The following CCDC92B variants were observed in gnomAD, a reference collection of about 807,000 sequenced individuals.
CCDC92B encodes the protein coiled-coil domain containing 92B.
In CCDC92B, 2 loss-of-function variants were observed where a neutral mutation model predicts 5.6. That is an observed-to-expected ratio of 0.36 (90% CI 0.15 to 1.12). The LOEUF (loss-of-function observed/expected upper bound fraction) is 1.12. Ranked by LOEUF, CCDC92B falls within the 50% of genes most tolerant of loss-of-function variation. CCDC92B has a pLI of 0.40. For synonymous variants in CCDC92B, 115 were observed against 122.3 expected, an observed-to-expected ratio of 0.94 and a Z score of 0.39; for missense variants, 271 against 262.2, an observed-to-expected ratio of 1.03 and a Z score of -0.23.
intron 2 of CCDC92B, among the ~76,000 whole-genome samples, chr17:2,733,424 T>C (rs2070819587): frequency 6.6e-6 from 1 of 151,962 alleles, no homozygotes; most frequent in African/African-American, 2.4e-5. Flanking sequence ...CACGTCCGGC[T>C]AATTTTGTAT....
chr17:2,730,356 G>T, intron 3 of CCDC92B, 90 bp downstream of exon 3: 1 of 723,656 alleles, frequency 1.4e-6, no homozygotes, highest in Non-Finnish European at 1.7e-6. Context: ...CTAGGCTGGG[G>T]ACAGAGAAGG....
intron 2 of CCDC92B, among the ~76,000 whole-genome samples, chr17:2,732,274 C>A (rs544814305): frequency 1.9e-4 from 29 of 152,340 alleles, no homozygotes; most frequent in Admixed American, 5.2e-4. Context: ...TCTCTCCCAA[C>A]CGCCTCCCAG....
intron 3 of CCDC92B, among the ~76,000 whole-genome samples, chr17:2,727,108 G>C (rs1211603480): frequency 6.6e-6 from 1 of 151,700 alleles, no homozygotes; most frequent in Non-Finnish European, 1.5e-5. Context: ...TCTCGAACTT[G>C]TGGGTTCAGG....
At chr17:2,727,575 C>G (rs964139417) in intron 3 of CCDC92B, among the ~76,000 whole-genome samples, 2 of 152,224 alleles carry the variant, frequency 1.3e-5, no homozygotes, top group Non-Finnish European at 2.9e-5. Context: ...CCTGTAATCC[C>G]AGCACTTTGG....
intron 1 of CCDC92B, among the ~76,000 whole-genome samples, chr17:2,738,035 A>G (rs1419766068): frequency 6.6e-6 from 1 of 151,736 alleles, no homozygotes; most frequent in Non-Finnish European, 1.5e-5. Context: ...CCCAATATTT[A>G]CACGAATATT....
At chr17:2,737,575 C>T (rs2070871358) in intron 1 of CCDC92B, among the ~76,000 whole-genome samples, 1 of 148,862 alleles carries the variant, frequency 6.7e-6, no homozygotes, top group Non-Finnish European at 1.5e-5. Flanking sequence ...CCCAAGTTCA[C>T]GCCATTCTGC....
At chr17:2,737,383 T>G (rs1472452724) in intron 1 of CCDC92B, among the ~76,000 whole-genome samples, 1 of 149,308 alleles carries the variant, frequency 6.7e-6, no homozygotes, top group Non-Finnish European at 1.5e-5. Context: ...CCCTGAGAAC[T>G]CCAATCCTCA....
intron 2 of CCDC92B, among the ~76,000 whole-genome samples, chr17:2,732,538 G>A (rs1241233935): frequency 1.3e-5 from 2 of 152,096 alleles, no homozygotes; most frequent in African/African-American, 2.4e-5. Flanking sequence ...CCAACGTGGT[G>A]AAACCCCATC....
chr17:2,728,527 C>T (rs1230307691), intron 3 of CCDC92B, among the ~76,000 whole-genome samples: 7 of 150,566 alleles, frequency 4.6e-5, no homozygotes, highest in South Asian at 2.1e-4. Context: ...GGCGTGAACC[C>T]GGGAGGCAGA....
intron 2 of CCDC92B, 43 bp downstream of exon 2, chr17:2,734,972 CA>C (rs35314161): frequency 0.46 from 452,627 of 984,902 alleles, 108,873 homozygotes; most frequent in Non-Finnish European, 0.49. Context: ...GTGATGATGA[CA>C]GTGACCTCTC....
chr17:2,724,979 T>C lies in CCDC92B; in HGVS notation c.200A>G (p.Glu67Gly). Residue 67 changes from glutamate (E) to glycine (G), a missense_variant, in exon 4 of 4, where the codon GAG becomes GGG. Glu to Gly is a moderately conservative substitution (Grantham distance 98). Transcript: ENST00000614400. This position sits in a 1 kb window ranked among gnomAD's most constrained non-coding sequence, Gnocchi z 5.0. ...CGACTCCAGCGCGCGGCACTTGCTC[T>C]CCAGCTCCCGGGACGCCGCCTCTGG... ...HQQEAASREL[E>G]SKCRALESQL... The C allele has an allele frequency of 1.0e-6, 1 of 985,420 alleles. No individual in the cohort carries two copies. The highest frequency in any genetic ancestry group is 1.2e-6 in the Non-Finnish European group (1 of 829,984). The allele number at this position is 985,420 out of a possible 1,614,324, so 61.0% of individuals were successfully genotyped here. A position where few individuals can be genotyped will look rare whatever the true frequency, so the allele number is the denominator to read the frequency against.
At chr17:2,748,369 G>C in intron 1 of CCDC92B, 7 of 985,034 alleles carry the variant, frequency 7.1e-6, no homozygotes, top group Non-Finnish European at 8.4e-6. Context: ...CTGTTCCCCA[G>C]GCAATTTGTT....
chr17:2,731,347 C>T (rs1459818024), intron 2 of CCDC92B, among the ~76,000 whole-genome samples: 2 of 152,134 alleles, frequency 1.3e-5, no homozygotes, highest in Non-Finnish European at 2.9e-5. Flanking sequence ...ACCCCCACTC[C>T]CCCAACTCCA....
At chr17:2,740,836 A>G (rs982211913) in intron 1 of CCDC92B, among the ~76,000 whole-genome samples, 4 of 151,606 alleles carry the variant, frequency 2.6e-5, no homozygotes, top group Non-Finnish European at 5.9e-5. Flanking sequence ...GCATGGTGGC[A>G]TGGGCCTGTA....
At chr17:2,731,474 G>A (rs781184097) in intron 2 of CCDC92B, among the ~76,000 whole-genome samples, 4 of 152,174 alleles carry the variant, frequency 2.6e-5, no homozygotes, top group Non-Finnish European at 5.9e-5. Flanking sequence ...TGGTGTCCAC[G>A]GGGAGGAGGT....
intron 1 of CCDC92B, among the ~76,000 whole-genome samples, chr17:2,747,054 G>A (rs949284999): frequency 2.6e-5 from 4 of 151,940 alleles, no homozygotes; most frequent in East Asian, 3.9e-4. Context: ...CACCCTTTTT[G>A]TCTGCTCCAG....
In CCDC92B at chr17:2,722,877, T is replaced by A. The variant is rs1323924137; in HGVS notation, c.*1534A>T. ...GAGGGATGGCACGGGCTGGAGGGGTTTGTGTTTCCTTCTAGGCTGGGCTGG... is the reference window on the plus strand; with the variant it reads ...GAGGGATGGCACGGGCTGGAGGGGTATGTGTTTCCTTCTAGGCTGGGCTGG... On this transcript the variant is annotated 3_prime_UTR_variant, in exon 4 of 4. Transcript: ENST00000614400. The A allele has an allele frequency of 6.6e-6, 1 of 152,410 alleles. No individual in the cohort carries two copies. The highest frequency in any genetic ancestry group is 1.5e-5 in the Non-Finnish European group (1 of 68,272). 9.4% of individuals were successfully genotyped at this position (152,410 alleles called of 1,614,324 possible).
chr17:2,727,734 G>A (rs1272606447), intron 3 of CCDC92B, among the ~76,000 whole-genome samples: 1 of 151,248 alleles, frequency 6.6e-6, no homozygotes, highest in Non-Finnish European at 1.5e-5. Flanking sequence ...TGAAGTAGGA[G>A]AATTGCTTGA....
At chr17:2,727,501 C>T (rs2070742551) in intron 3 of CCDC92B, among the ~76,000 whole-genome samples, 2 of 152,042 alleles carry the variant, frequency 1.3e-5, no homozygotes, top group Admixed American at 6.5e-5. Context: ...CAAAGAGTGA[C>T]CCTGGAAGGA....
Sources: gnomAD v4.1 joint callset for allele counts (sites outside exome capture counted in the v4.1 genomes callset) on GRCh38, gnomAD v4.1.1 for gene constraint, Gnocchi (gnomAD v3.1) non-coding constraint, MANE v1.5 for transcripts, NCBI Gene and HGNC (gene_info 2026-07-23, HGNC 2026-07-21) for gene names.